The following PPM1L variants were observed in gnomAD, a reference collection of about 807,000 sequenced individuals.
PPM1L encodes protein phosphatase 1L.
Under a neutral mutation model 31.4 loss-of-function variants are expected in PPM1L, and 13 were observed. The ratio of observed to expected loss-of-function variants is 0.41; its 90% CI spans 0.27 to 0.66. The LOEUF is 0.66. PPM1L is among the 30% of genes least tolerant of loss of function. The pLI, the probability that PPM1L is intolerant of heterozygous loss-of-function variation, is 0.29. For synonymous variants in PPM1L, 184 were observed against 175.4 expected (o/e 1.05, Z -0.39); for missense variants, 326 against 453.7 (o/e 0.72, Z 2.56).
chr3:160,892,899 T>C (rs28693895), intron 1 of PPM1L, among the ~76,000 whole-genome samples: 2,313 of 152,266 alleles, frequency 0.015, 47 homozygotes, highest in Non-Finnish European at 0.022. Flanking sequence ...TAAAAATTAT[T>C]ATTCTTTTGG....
At chr3:160,951,643 C>T (rs940732107) in intron 1 of PPM1L, among the ~76,000 whole-genome samples, 1 of 152,134 alleles carries the variant, frequency 6.6e-6, no homozygotes, top group Admixed American at 6.6e-5. Flanking sequence ...ATGCTTGGTG[C>T]TACCACATGA....
intron 1 of PPM1L, among the ~76,000 whole-genome samples, chr3:160,868,002 G>A (rs1308732229): frequency 6.6e-6 from 1 of 152,124 alleles, no homozygotes; most frequent in East Asian, 1.9e-4. Flanking sequence ...AAAAGAACAG[G>A]CTGGTCTGCA....
At chr3:160,998,425 A>G (rs1031141336) in intron 2 of PPM1L, among the ~76,000 whole-genome samples, 2 of 152,182 alleles carry the variant, frequency 1.3e-5, no homozygotes, top group African/African-American at 4.8e-5. Context: ...CATAAAAATT[A>G]GTTTATCTGG....
intron 1 of PPM1L, among the ~76,000 whole-genome samples, chr3:160,887,254 C>T (rs762697439): frequency 9.9e-5 from 15 of 151,978 alleles, no homozygotes; most frequent in African/African-American, 1.7e-4. Flanking sequence ...CTGAAGGAGA[C>T]GGGGAGAATA....
At chr3:160,905,940 C>A (rs188704163) in intron 1 of PPM1L, among the ~76,000 whole-genome samples, 2 of 151,674 alleles carry the variant, frequency 1.3e-5, no homozygotes, top group Non-Finnish European at 2.9e-5. Flanking sequence ...AAATCTTAGC[C>A]CTAGTTTTCC....
intron 1 of PPM1L, among the ~76,000 whole-genome samples, chr3:160,916,280 A>G (rs1714177575): frequency 6.6e-6 from 1 of 152,236 alleles, no homozygotes; most frequent in African/African-American, 2.4e-5. Context: ...AAAAGAAGAC[A>G]TTTATGCAGT....
At chr3:161,051,667 A>G (rs1416784496) in intron 2 of PPM1L, among the ~76,000 whole-genome samples, 1 of 152,160 alleles carries the variant, frequency 6.6e-6, no homozygotes, top group Non-Finnish European at 1.5e-5. Flanking sequence ...AATTAATAAT[A>G]TTATTGGATC....
intron 1 of PPM1L, among the ~76,000 whole-genome samples, chr3:160,915,629 T>C (rs1029818070): frequency 2.0e-5 from 3 of 152,170 alleles, no homozygotes; most frequent in Non-Finnish European, 4.4e-5. Context: ...AGAACAAAGC[T>C]GGGGGCATCA....
At position 160,986,686 on chromosome 3, in the gene PPM1L, G is replaced by A. The variant is rs527386828; in HGVS notation, c.574+24776G>A. On this transcript the variant is annotated intron_variant, in intron 2 of 3. Coordinates refer to ENST00000498165, the MANE Select transcript of PPM1L (RefSeq NM_139245.4). ...AACATCATTTCCTGCAGAGGGGCCT[G>A]GGAAGATAATTTAATCTTCCCTTTA... Among the ~76,000 whole-genome samples, 7 of 152,250 alleles carry A rather than the reference G, an allele frequency of 4.6e-5. 1 individual carries two copies. The East Asian group carries it at 1.3e-3, about 29-fold the overall frequency.
chr3:160,910,361 GGAGT>G (rs1414713322), intron 1 of PPM1L, among the ~76,000 whole-genome samples: 2 of 135,998 alleles, frequency 1.5e-5, no homozygotes, highest in Non-Finnish European at 3.1e-5. Context: ...CACCCAGTCT[GGAGT>G]GCACTGGCAC....
intron 1 of PPM1L, among the ~76,000 whole-genome samples, chr3:160,905,650 G>C (rs971383247): frequency 6.6e-6 from 1 of 152,100 alleles, no homozygotes; most frequent in Non-Finnish European, 1.5e-5. Context: ...TCGAGAGACA[G>C]ATGCAGTTTA....
At chr3:161,016,614 G>A (rs1718094874) in intron 2 of PPM1L, among the ~76,000 whole-genome samples, 1 of 152,194 alleles carries the variant, frequency 6.6e-6, no homozygotes, top group African/African-American at 2.4e-5. Context: ...GGAACTCCTT[G>A]CCAGAAAATA....
intron 1 of PPM1L, among the ~76,000 whole-genome samples, chr3:160,903,946 T>A (rs1441873969): frequency 6.6e-6 from 1 of 152,184 alleles, no homozygotes; most frequent in Non-Finnish European, 1.5e-5. Context: ...GTCCATCTCT[T>A]CATCCTTCCA....
At chr3:161,030,247 T>C (rs1718524456) in intron 2 of PPM1L, among the ~76,000 whole-genome samples, 1 of 152,210 alleles carries the variant, frequency 6.6e-6, no homozygotes, top group Non-Finnish European at 1.5e-5. Flanking sequence ...TGAAAGAGGT[T>C]GAAAGGAGTG....
At chr3:160,965,237 C>A (rs1488527313) in intron 2 of PPM1L, among the ~76,000 whole-genome samples, 2 of 151,464 alleles carry the variant, frequency 1.3e-5, no homozygotes, top group Non-Finnish European at 2.9e-5. Context: ...GGCGACAGAG[C>A]CTCCATCTCA....
intron 1 of PPM1L, among the ~76,000 whole-genome samples, chr3:160,929,056 G>T (rs1714696117): frequency 6.6e-6 from 1 of 151,926 alleles, no homozygotes; most frequent in Non-Finnish European, 1.5e-5. Context: ...CTTTGCTTAA[G>T]GTAGCTTGTC....
chr3:161,010,456 C>T (rs1048254020), intron 2 of PPM1L, among the ~76,000 whole-genome samples: 2 of 152,166 alleles, frequency 1.3e-5, no homozygotes, highest in African/African-American at 2.4e-5. Flanking sequence ...CAAGTCTTTG[C>T]TATTGTGAAT....
intron 1 of PPM1L, among the ~76,000 whole-genome samples, chr3:160,827,298 T>C (rs1299237717): frequency 6.6e-6 from 1 of 152,160 alleles, no homozygotes; most frequent in Non-Finnish European, 1.5e-5. Context: ...TCTGAGATAC[T>C]TTTTTACTGG....
intron 1 of PPM1L, among the ~76,000 whole-genome samples, chr3:160,807,140 G>A (rs960026863): frequency 6.6e-6 from 1 of 152,162 alleles, no homozygotes; most frequent in Admixed American, 6.5e-5. Context: ...GTAAAGAAAA[G>A]CAATTTCCCC....
Sources: allele counts gnomAD v4.1 joint callset (sites outside exome capture counted in the v4.1 genomes callset), GRCh38; gene constraint gnomAD v4.1.1; transcripts MANE v1.5; gene names NCBI Gene and HGNC (gene_info 2026-07-23, HGNC 2026-07-21).